Variants in FN1 observed in about 807,000 individuals in gnomAD.
FN1 encodes fibronectin 1, also known as fibronectin.
Under a neutral mutation model 297.3 loss-of-function variants are expected in FN1, and 106 were observed. The observed-to-expected ratio is 0.36, with a 90% confidence interval of 0.30 to 0.42. The LOEUF is 0.42. Ranked by LOEUF, FN1 falls within the 10% of genes least tolerant of loss-of-function variation. The pLI, the probability that FN1 is intolerant of heterozygous loss-of-function variation, is 1.00. For missense variants in FN1, 2,690 were observed against 3,124.9 expected (o/e 0.86, Z 3.32); for synonymous variants, 1,149 against 1,152.6 (o/e 1.00, Z 0.06).
intron 20 of FN1, among the ~76,000 whole-genome samples, chr2:215,402,097 C>G (rs965234782): frequency 6.6e-6 from 1 of 152,164 alleles, no homozygotes; most frequent in Admixed American, 6.6e-5. Context: ...AGAGAACAGT[C>G]AGTTTCTTTC....
intron 11 of FN1, among the ~76,000 whole-genome samples, 176 bp from the exon 12 acceptor site, chr2:215,419,561 TAA>T (rs78640793): frequency 6.7e-6 from 1 of 149,946 alleles, no homozygotes; most frequent in Non-Finnish European, 1.5e-5. Context: ...CAGTTTGTAG[TAA>T]AAAAAAAACC....
intron 10 of FN1, 32 bp from the exon 11 acceptor site, chr2:215,420,833 C>T: frequency 6.2e-7 from 1 of 1,611,590 alleles, no homozygotes. Flanking sequence ...GAGTGAGAAA[C>T]TTTTTAAAGT....
chr2:215,392,754 T>C lies in FN1; in HGVS notation c.4069+177A>G, dbSNP rs995737821. Reference sequence around the variant, plus strand: ...GAGTGTACTGAAGAATACTTGCATGTGTTTTTCTCCAATCAGTTTAGCAGA... The same window carrying C: ...GAGTGTACTGAAGAATACTTGCATGCGTTTTTCTCCAATCAGTTTAGCAGA... On this transcript the variant is annotated intron_variant, in intron 25 of 45. Transcript: ENST00000354785. The C allele has an allele frequency of 5.9e-6, 4 of 676,372 alleles. No individual in the cohort carries two copies. In the Admixed American group the frequency reaches 8.6e-5, roughly 14 times the overall value. The allele number at this position is 676,372 out of a possible 1,614,324, so 41.9% of individuals were successfully genotyped here. A position where few individuals can be genotyped will look rare whatever the true frequency, so the allele number is the denominator to read the frequency against.
rs748658255 is a variant in FN1, at chr2:215,410,058, G to A, written c.1998C>T (p.Tyr666=). 2.5e-6 allele frequency: 4 copies of A among 1,613,944 alleles called. No individual in the cohort carries two copies. The highest frequency in any genetic ancestry group is 2.7e-5 in the African/African-American group (2 of 74,888). ...EATIPGHLNS[Y]TIKGLKPGVV... ...CACCAGGCTTCAGGCCTTTGATGGTGTAGGAGTTTAAGTGGCCTGGTATGG... is the reference window on the plus strand; with the variant it reads ...CACCAGGCTTCAGGCCTTTGATGGTATAGGAGTTTAAGTGGCCTGGTATGG... The change falls in exon 14 of 46, where the codon TAC becomes TAT. Residue 666 remains tyrosine, a synonymous_variant. Transcript: ENST00000354785.
intron 19 of FN1, 29 bp downstream of exon 19, chr2:215,406,209 A>T (rs754033904): frequency 1.2e-6 from 2 of 1,610,798 alleles, no homozygotes; most frequent in Non-Finnish European, 1.7e-6. Context: ...GAGAATTTGG[A>T]GGGGAGATAG....
chr2:215,399,437 A>C (rs1010296932), intron 20 of FN1, 86 bp from the exon 21 acceptor site: 1 of 932,106 alleles, frequency 1.1e-6, no homozygotes, highest in Non-Finnish European at 1.8e-6. Context: ...TTTTATGGAG[A>C]ACCTCAGTTT....
Position 215,408,442 on chromosome 2 carries a change from A to G in FN1, c.2300-16T>C. 1 of 1,613,950 alleles carries G rather than the reference A, an allele frequency of 6.2e-7. No homozygotes were observed. The highest frequency in any genetic ancestry group is 8.5e-7 in the Non-Finnish European group (1 of 1,179,858). On this transcript the variant is annotated splice_polypyrimidine_tract_variant and intron_variant, in intron 15 of 45. Coordinates refer to ENST00000354785, the MANE Select transcript of FN1 (RefSeq NM_212482.4). ...CTTGGAAGATCTTTGAAATGAAAAG[A>G]AAAGGTAACTAATCAGAGCAAACTA...
At position 215,382,323 on chromosome 2, in the gene FN1, G is replaced by T. The variant is rs1483895338; in HGVS notation, c.5053C>A (p.Gln1685Lys). The T allele has an allele frequency of 1.9e-6, 3 of 1,599,026 alleles. No homozygotes were observed. Among genetic ancestry groups the T allele is most frequent in the African/African-American group, 1.3e-5 (1 of 74,640 alleles). Residue 1685 changes from glutamine to lysine, a missense_variant and splice_region_variant, in exon 32 of 46, where the codon CAA becomes AAA. Coordinates refer to ENST00000354785, the MANE Select transcript of FN1 (RefSeq NM_212482.4). ...PTKTKTAGPDQTEMTIEGLQP... is the reference protein window; with the variant it reads ...PTKTKTAGPDKTEMTIEGLQP... ...AAGCCTTCAATAGTCATTTCTGTTT[G>T]ATCTGCAAAGGGAGTGAAAAGCAAA...
Position 215,407,202 on chromosome 2 carries a change from T to C in FN1, c.2638A>G (p.Ile880Val). Reference protein sequence around the residue: ...LQPGVQYNITIYAVEENQEST... With the variant: ...LQPGVQYNITVYAVEENQEST... ...TCTTGATTTTCTTCCACAGCATAGATAGTGATGTTATACTGAACACCAGGT... is the reference window on the plus strand; with the variant it reads ...TCTTGATTTTCTTCCACAGCATAGACAGTGATGTTATACTGAACACCAGGT... The change falls in exon 18 of 46, where the codon ATC becomes GTC. Residue 880 changes from isoleucine (I) to valine (V), a missense_variant. This residue lies in a region of FN1 where 71 missense variants were observed against 121.7 expected (regional missense o/e 0.58). Coordinates refer to ENST00000354785, the MANE Select transcript of FN1 (RefSeq NM_212482.4). The C allele has an allele frequency of 1.9e-6, 3 of 1,613,934 alleles. No homozygotes were observed. Among genetic ancestry groups the C allele is most frequent in the South Asian group, 1.1e-5 (1 of 91,066 alleles).
chr2:215,415,030 C>T, intron 12 of FN1, 72 bp from the exon 13 acceptor site: 2 of 1,175,908 alleles, frequency 1.7e-6, no homozygotes, highest in Non-Finnish European at 2.5e-6. Flanking sequence ...TGTACATGGA[C>T]AGTCATCATT....
intron 24 of FN1, 131 bp downstream of exon 24, chr2:215,394,397 A>C (rs1400172566): frequency 2.4e-6 from 2 of 841,232 alleles, no homozygotes; most frequent in Non-Finnish European, 4.1e-6. Context: ...TTGGTTTTGG[A>C]AAGTGCAGCT....
At chr2:215,361,682 G>GAA in intron 45 of FN1, 56 bp from the exon 46 acceptor site, 3 of 1,321,562 alleles carry the variant, frequency 2.3e-6, no homozygotes, top group Non-Finnish European at 2.2e-6. Flanking sequence ...AAAGTGTACA[G>GAA]AAAAAAAAAT....
At chr2:215,397,615 C>T in intron 22 of FN1, 65 bp downstream of exon 22, 1 of 1,386,842 alleles carries the variant, frequency 7.2e-7, no homozygotes, top group Non-Finnish European at 1.0e-6. Context: ...GATATTGACA[C>T]TAGCTTTTTT....
chr2:215,396,684 G>T (rs2060346302), intron 23 of FN1, among the ~76,000 whole-genome samples: 2 of 152,146 alleles, frequency 1.3e-5, no homozygotes, highest in Non-Finnish European at 2.9e-5. Context: ...TAAAATGAAG[G>T]TATTTCTGCC....
intron 5 of FN1, among the ~76,000 whole-genome samples, chr2:215,429,579 T>C (rs1322533359): frequency 6.6e-6 from 1 of 152,242 alleles, no homozygotes; most frequent in East Asian, 1.9e-4. Context: ...TTAGAGCTTT[T>C]TCCCAAATCC....
At position 215,431,909 on chromosome 2, in the gene FN1, T is replaced by C. The variant is rs763454289; in HGVS notation, c.471A>G (p.Pro157=). 11 of 1,614,038 alleles carry C rather than the reference T, an allele frequency of 6.8e-6. No homozygotes were observed. Among genetic ancestry groups the C allele is most frequent in the South Asian group, 2.2e-5 (2 of 91,084 alleles). The change falls in exon 4 of 46, where the codon CCA becomes CCG. Residue 157 remains proline (P), a synonymous_variant. Coordinates refer to ENST00000354785, the MANE Select transcript of FN1 (RefSeq NM_212482.4). ...SYKIGDTWRR[P]HETGGYMLEC... is the part of the protein sequence containing the mutation. ...CTAACATGTAACCACCAGTCTCATG[T>C]GGTCTCCTCCAGGTGTCACCAATCT... is the stretch of plus-strand genomic sequence containing the variant.
intron 41 of FN1, among the ~76,000 whole-genome samples, chr2:215,370,063 C>A (rs990474232): frequency 6.6e-6 from 1 of 152,086 alleles, no homozygotes; most frequent in African/African-American, 2.4e-5. Flanking sequence ...AATCATATCA[C>A]CATTTGAGAG....
In FN1 at chr2:215,361,275, A is replaced by G. The variant is rs1553579638; in HGVS notation, c.*280T>C. The G allele has an allele frequency of 1.0e-5, 4 of 393,622 alleles. No individual in the cohort carries two copies. The South Asian group carries it at 1.2e-4, about 12-fold the overall frequency. 24.4% of individuals were successfully genotyped at this position (393,622 alleles called of 1,614,324 possible). A position where few individuals can be genotyped will look rare whatever the true frequency, so the allele number is the denominator to read the frequency against. On this transcript the variant is annotated 3_prime_UTR_variant, in exon 46 of 46. Transcript: ENST00000354785. ...CTGCATATGCTTTCCTATTGATCCC[A>G]AACCAAATCTTAGAATCACTTCATT... is the stretch of plus-strand genomic sequence containing the variant.
chr2:215,401,263 GAAGGA>G (rs1553629805), intron 20 of FN1, among the ~76,000 whole-genome samples: 1 of 74,082 alleles, frequency 1.3e-5, no homozygotes, highest in Non-Finnish European at 2.7e-5. Flanking sequence ...AGAAAGAAAG[GAAGGA>G]AAGGAAAGGA....
Sources: gnomAD v4.1 joint callset for allele counts (sites outside exome capture counted in the v4.1 genomes callset) on GRCh38, gnomAD v4.1.1 for gene constraint, gnomAD v4.1.1 regional missense constraint, MANE v1.5 for transcripts, NCBI Gene and HGNC (gene_info 2026-07-23, HGNC 2026-07-21) for gene names.